The following MCF2L2 variants were observed in gnomAD, a reference collection of about 807,000 sequenced individuals.
The protein encoded by MCF2L2 is MCF.2 cell line derived transforming sequence-like 2.
In MCF2L2, 102 loss-of-function variants were observed where a neutral mutation model predicts 150.2. The observed-to-expected ratio is 0.68, with a 90% confidence interval of 0.58 to 0.80. The LOEUF (loss-of-function observed/expected upper bound fraction) is 0.80, where lower values mean the gene tolerates loss of function less well. MCF2L2 is among the 30% of genes least tolerant of loss of function. The pLI is 0.00. For synonymous variants in MCF2L2, 465 were observed against 491.3 expected, an observed-to-expected ratio of 0.95 and a Z score of 0.71; for missense variants, 1,256 against 1,372.8, an observed-to-expected ratio of 0.91 and a Z score of 1.34.
chr3:183,386,246 C>T (rs1713824710), intron 2 of MCF2L2, among the ~76,000 whole-genome samples: 1 of 152,162 alleles, frequency 6.6e-6, no homozygotes, highest in Non-Finnish European at 1.5e-5. Flanking sequence ...GTGTTTCCAC[C>T]ACACTAACCT....
intron 3 of MCF2L2, among the ~76,000 whole-genome samples, chr3:183,358,990 A>C (rs1306981949): frequency 6.6e-6 from 1 of 150,786 alleles, no homozygotes; most frequent in Non-Finnish European, 1.5e-5. Flanking sequence ...GAAGCAGTGG[A>C]AAAGTTCATT....
At chr3:183,277,825 C>G (rs894732617) in intron 14 of MCF2L2, among the ~76,000 whole-genome samples, 2 of 150,786 alleles carry the variant, frequency 1.3e-5, no homozygotes, top group African/African-American at 4.9e-5. Context: ...CAATAAGAAT[C>G]TAAATTTTAG....
At chr3:183,302,429 A>G (rs919666299) in intron 10 of MCF2L2, among the ~76,000 whole-genome samples, 8 of 152,144 alleles carry the variant, frequency 5.3e-5, no homozygotes, top group African/African-American at 1.4e-4. Flanking sequence ...AAGTTTGGGT[A>G]GCAGGAAGGA....
At chr3:183,249,427 C>T (rs1296436348) in intron 15 of MCF2L2, among the ~76,000 whole-genome samples, 1 of 152,236 alleles carries the variant, frequency 6.6e-6, no homozygotes, top group Non-Finnish European at 1.5e-5. Context: ...GTCCCTGTCC[C>T]TGAGAGGCCC....
chr3:183,200,437 AC>A (rs1722236999), intron 25 of MCF2L2, among the ~76,000 whole-genome samples: 2 of 152,198 alleles, frequency 1.3e-5, no homozygotes, highest in South Asian at 4.2e-4. Flanking sequence ...TTGAGAAGTG[AC>A]CGTTCATATC....
intron 13 of MCF2L2, among the ~76,000 whole-genome samples, chr3:183,294,982 C>T (rs962948610): frequency 6.6e-6 from 1 of 152,080 alleles, no homozygotes; most frequent in African/African-American, 2.4e-5. Flanking sequence ...AGGCTGGTCT[C>T]GAATTCCTGA....
At chr3:183,331,463 T>G (rs1730270317) in intron 5 of MCF2L2, among the ~76,000 whole-genome samples, 1 of 152,238 alleles carries the variant, frequency 6.6e-6, no homozygotes, top group Non-Finnish European at 1.5e-5. Context: ...GCTAAAAATG[T>G]CTTGTTTCTT....
At chr3:183,258,965 G>A (rs1464356672) in intron 15 of MCF2L2, among the ~76,000 whole-genome samples, 3 of 152,048 alleles carry the variant, frequency 2.0e-5, no homozygotes, top group Non-Finnish European at 2.9e-5. Context: ...ATTGTTACAC[G>A]GTATTGTTTA....
At chr3:183,295,591 G>A in intron 12 of MCF2L2, 114 bp from the exon 13 acceptor site, 1 of 997,810 alleles carries the variant, frequency 1.0e-6, no homozygotes. Flanking sequence ...ACCTCCCTCA[G>A]GTGACCCCCT....
chr3:183,278,155 G>A (rs1727265500), intron 14 of MCF2L2, among the ~76,000 whole-genome samples: 1 of 151,408 alleles, frequency 6.6e-6, no homozygotes, highest in Non-Finnish European at 1.5e-5. Flanking sequence ...CTGCACTCCA[G>A]TCTGGGCGAC....
chr3:183,231,047 A>AAG (rs766909201), intron 15 of MCF2L2, 30 bp from the exon 16 acceptor site: 3 of 1,523,026 alleles, frequency 2.0e-6, no homozygotes, highest in Admixed American at 1.7e-5. Context: ...GGGAGGGTGA[A>AAG]AGAGAGAGAG....
In MCF2L2 at chr3:183,179,501, G is replaced by T; in HGVS notation, c.3224C>A (p.Ala1075Glu). 1 of 1,609,560 alleles carries T rather than the reference G, an allele frequency of 6.2e-7. No homozygotes were observed. The highest frequency in any genetic ancestry group is 1.1e-5 in the South Asian group (1 of 90,730). The change falls in exon 30 of 30, where the codon GCG (alanine) becomes GAG (glutamate). Residue 1075 changes from alanine (A) to glutamate (E), a missense_variant and splice_region_variant. By Grantham distance (107) the Ala-to-Glu change is moderately radical. Coordinates refer to ENST00000328913, the MANE Select transcript of MCF2L2 (RefSeq NM_015078.4). The surrounding 1 kb of genome is among the most constrained non-coding windows in gnomAD (Gnocchi z 4.2). ...GCGCTCCTCCTCGGTGCTGCGGGTCGCCCTGCAATTCCGAGAAGAAAGTCA... is the reference window on the plus strand; with the variant it reads ...GCGCTCCTCCTCGGTGCTGCGGGTCTCCCTGCAATTCCGAGAAGAAAGTCA... ...EKEERDEEET[A>E]TRSTEEERAG...
chr3:183,405,945 C>T (rs1299473090), intron 1 of MCF2L2, among the ~76,000 whole-genome samples: 1 of 152,186 alleles, frequency 6.6e-6, no homozygotes, highest in Non-Finnish European at 1.5e-5. Flanking sequence ...GAACTCCTGA[C>T]CTTAAGTGAT....
intron 14 of MCF2L2, among the ~76,000 whole-genome samples, chr3:183,288,580 C>G (rs1288228745): frequency 6.6e-6 from 1 of 150,720 alleles, no homozygotes; most frequent in Non-Finnish European, 1.5e-5. Flanking sequence ...CTTCCAGTTT[C>G]AAGCAATTTT....
At chr3:183,306,022 C>T (rs1729079621) in intron 10 of MCF2L2, among the ~76,000 whole-genome samples, 1 of 152,216 alleles carries the variant, frequency 6.6e-6, no homozygotes, top group South Asian at 2.1e-4. Context: ...ATTTAATCTT[C>T]ACAAGGTCTC....
intron 3 of MCF2L2, among the ~76,000 whole-genome samples, chr3:183,362,863 A>G (rs1712296354): frequency 1.3e-5 from 2 of 152,190 alleles, no homozygotes; most frequent in Admixed American, 1.3e-4. Context: ...TTTCAGTAGA[A>G]TAAGAAGACG....
At chr3:183,327,567 T>C (rs1730102713) in intron 5 of MCF2L2, among the ~76,000 whole-genome samples, 1 of 152,174 alleles carries the variant, frequency 6.6e-6, no homozygotes, top group Non-Finnish European at 1.5e-5. Flanking sequence ...AATTACATAA[T>C]GCTCCTCATG....
intron 3 of MCF2L2, among the ~76,000 whole-genome samples, chr3:183,348,744 A>G (rs927511424): frequency 2.6e-5 from 4 of 152,186 alleles, no homozygotes; most frequent in African/African-American, 9.7e-5. Flanking sequence ...TTTTCAAAGT[A>G]GTATTTATGA....
chr3:183,346,644 T>C (rs1463797006), intron 3 of MCF2L2, among the ~76,000 whole-genome samples: 1 of 152,180 alleles, frequency 6.6e-6, no homozygotes, highest in African/African-American at 2.4e-5. Context: ...GATGACATGA[T>C]TGTATATTTA....
Sources: allele counts gnomAD v4.1 joint callset (sites outside exome capture counted in the v4.1 genomes callset), GRCh38; gene constraint gnomAD v4.1.1; non-coding constraint Gnocchi (gnomAD v3.1); transcripts MANE v1.5; gene names NCBI Gene and HGNC (gene_info 2026-07-23, HGNC 2026-07-21).